The following PRKCB variants were observed in gnomAD, a reference collection of about 807,000 sequenced individuals.
PRKCB encodes the protein protein kinase C beta type.
Under a neutral mutation model 81.5 loss-of-function variants are expected in PRKCB, and 13 were observed. That is an observed-to-expected ratio of 0.16 (90% confidence interval 0.10 to 0.25). The LOEUF (loss-of-function observed/expected upper bound fraction) is 0.25, where lower values mean the gene tolerates loss of function less well. Ranked by LOEUF, PRKCB falls within the 10% of genes least tolerant of loss-of-function variation. The pLI is 1.00. For missense variants in PRKCB, 509 were observed against 875.7 expected (o/e 0.58, Z 5.29); for synonymous variants, 335 against 321.4 (o/e 1.04, Z -0.45).
intron 10 of PRKCB, among the ~76,000 whole-genome samples, chr16:24,167,303 A>G (rs11865885): frequency 0.12 from 17,542 of 152,134 alleles, 1,088 homozygotes; most frequent in East Asian, 0.22. Flanking sequence ...CTCATTAGAC[A>G]TGTTGAGAGG....
intron 3 of PRKCB, among the ~76,000 whole-genome samples, chr16:24,015,040 A>G (rs1965259358): frequency 6.6e-6 from 1 of 152,256 alleles, no homozygotes; most frequent in South Asian, 2.1e-4. Context: ...GCCTCAAGTG[A>G]TCCGCCCGCC....
intron 5 of PRKCB, among the ~76,000 whole-genome samples, chr16:24,049,054 T>TG (rs1965802894): frequency 7.4e-6 from 1 of 134,246 alleles, no homozygotes; most frequent in African/African-American, 3.0e-5. Flanking sequence ...CCTGTTTTTT[T>TG]TTTTTTTTTT....
intron 2 of PRKCB, among the ~76,000 whole-genome samples, chr16:23,967,388 T>C (rs1964502485): frequency 6.6e-6 from 1 of 152,196 alleles, no homozygotes; most frequent in African/African-American, 2.4e-5. Context: ...GATGGTGATG[T>C]GGAGAAAATG....
intron 9 of PRKCB, among the ~76,000 whole-genome samples, chr16:24,148,192 T>A (rs1236044545): frequency 1.3e-5 from 2 of 152,204 alleles, no homozygotes; most frequent in Non-Finnish European, 2.9e-5. Flanking sequence ...GAAATATGCC[T>A]CCTGTGTCCC....
intron 5 of PRKCB, among the ~76,000 whole-genome samples, chr16:24,075,180 A>G (rs1966163234): frequency 6.6e-6 from 1 of 152,164 alleles, no homozygotes; most frequent in Non-Finnish European, 1.5e-5. Flanking sequence ...CAATTTTTCC[A>G]ACACAATAGC....
At chr16:24,117,790 C>G (rs1596555858) in intron 8 of PRKCB, among the ~76,000 whole-genome samples, 1 of 152,260 alleles carries the variant, frequency 6.6e-6, no homozygotes, top group African/African-American at 2.4e-5. Context: ...CTGCTGTGGG[C>G]AGCTAGGGTT....
chr16:23,853,755 T>C (rs950251433), intron 2 of PRKCB, among the ~76,000 whole-genome samples: 1 of 151,898 alleles, frequency 6.6e-6, no homozygotes, highest in Non-Finnish European at 1.5e-5. Flanking sequence ...TGTTTTTAGT[T>C]ATTAGAACAA....
At chr16:23,956,827 T>G (rs1043095775) in intron 2 of PRKCB, among the ~76,000 whole-genome samples, 1 of 152,068 alleles carries the variant, frequency 6.6e-6, no homozygotes, top group Admixed American at 6.6e-5. Flanking sequence ...GGGAGCTTAA[T>G]GTATTAAAAG....
At chr16:24,036,902 G>A (rs1264752199) in intron 5 of PRKCB, among the ~76,000 whole-genome samples, 1 of 152,108 alleles carries the variant, frequency 6.6e-6, no homozygotes, top group Non-Finnish European at 1.5e-5. Context: ...GCATGACTGC[G>A]GGCAGCCAAC....
chr16:23,901,155 G>A (rs1342101479), intron 2 of PRKCB, among the ~76,000 whole-genome samples: 1 of 152,060 alleles, frequency 6.6e-6, no homozygotes, highest in Non-Finnish European at 1.5e-5. Flanking sequence ...AATATTAATT[G>A]TGTCTGTCAT....
intron 5 of PRKCB, among the ~76,000 whole-genome samples, chr16:24,056,342 C>A (rs1965902287): frequency 6.6e-6 from 1 of 152,202 alleles, no homozygotes; most frequent in Admixed American, 6.5e-5. Flanking sequence ...CATACAGGTT[C>A]CCCTAGAAAG....
rs187854680 is a variant in PRKCB at position 24,044,509 on chromosome 16, C to A, written c.529+8962C>A. On this transcript the variant is annotated intron_variant, in intron 5 of 16. Coordinates refer to ENST00000643927, the MANE Select transcript of PRKCB (RefSeq NM_002738.7). ...ACTTTTCTATAGGTATATTATACTT[C>A]CTATACTTTTATTATTTAAAAGTTT... 1.6e-3 allele frequency among the ~76,000 whole-genome samples: 237 copies of A among 152,234 alleles called. 1 individual carries two copies. Among genetic ancestry groups the A allele is most frequent in the African/African-American group, 5.2e-3 (216 of 41,536 alleles).
chr16:24,120,301 G>A (rs1966784870), intron 8 of PRKCB, among the ~76,000 whole-genome samples: 1 of 152,200 alleles, frequency 6.6e-6, no homozygotes, highest in Non-Finnish European at 1.5e-5. Context: ...AAAATCTACA[G>A]AACTGTGCAC....
intron 2 of PRKCB, among the ~76,000 whole-genome samples, chr16:23,868,337 A>G (rs555789067): frequency 6.6e-6 from 1 of 152,360 alleles, no homozygotes; most frequent in Admixed American, 6.5e-5. Flanking sequence ...ATAAGCAAGG[A>G]CTTCCCTATT....
intron 2 of PRKCB, among the ~76,000 whole-genome samples, chr16:23,847,777 A>G (rs1424350479): frequency 6.6e-6 from 1 of 152,250 alleles, no homozygotes; most frequent in Non-Finnish European, 1.5e-5. Context: ...TCAGGTTGCC[A>G]TATGGGCTTT....
intron 7 of PRKCB, among the ~76,000 whole-genome samples, chr16:24,105,585 A>G (rs941035809): frequency 4.6e-5 from 7 of 151,674 alleles, no homozygotes; most frequent in Non-Finnish European, 7.4e-5. Flanking sequence ...CCTTGTGTCC[A>G]TGTGTTCTCA....
intron 2 of PRKCB, among the ~76,000 whole-genome samples, chr16:23,878,885 T>C (rs1377314354): frequency 6.6e-6 from 1 of 152,018 alleles, no homozygotes; most frequent in Non-Finnish European, 1.5e-5. Flanking sequence ...AGAGGCAATG[T>C]AGTGTTGGCT....
intron 2 of PRKCB, among the ~76,000 whole-genome samples, chr16:23,911,388 A>G (rs778384609): frequency 9.9e-5 from 15 of 151,882 alleles, no homozygotes; most frequent in Non-Finnish European, 2.1e-4. Context: ...TCGGCCTCCC[A>G]AAGTGCTGGG....
chr16:23,890,882 T>C (rs1243889084), intron 2 of PRKCB, among the ~76,000 whole-genome samples: 1 of 152,176 alleles, frequency 6.6e-6, no homozygotes, highest in Admixed American at 6.5e-5. Flanking sequence ...TGTAAGACTC[T>C]GATCAAATGT....
Sources: allele counts gnomAD v4.1 joint callset (sites outside exome capture counted in the v4.1 genomes callset), GRCh38; gene constraint gnomAD v4.1.1; transcripts MANE v1.5; gene names NCBI Gene and HGNC (gene_info 2026-07-23, HGNC 2026-07-21).